Variants in MGAM2 observed in about 807,000 individuals in gnomAD.
The protein encoded by MGAM2 is maltase-glucoamylase 2 (putative).
MGAM2 carries 98 observed loss-of-function variants against 96.1 expected under a neutral mutation model. That is an observed-to-expected ratio of 1.02 (90% CI 0.87 to 1.21). MGAM2 has a LOEUF of 1.21. Ranked by LOEUF, MGAM2 falls within the 50% of genes most tolerant of loss-of-function variation. MGAM2 has a pLI of 0.00. For missense variants in MGAM2, 2,055 were observed against 1,182.4 expected (o/e 1.74, Z -10.82); for synonymous variants, 749 against 414.8 (o/e 1.81, Z -9.79).
chr7:142,172,141 T>C lies in MGAM2; in HGVS notation c.3395T>C (p.Leu1132Pro), dbSNP rs1320845423. 1 of 733,914 alleles carries C rather than the reference T, an allele frequency of 1.4e-6. No homozygotes were observed. The highest frequency in any genetic ancestry group is 1.5e-5 in the South Asian group (1 of 68,904). 45.5% of individuals were successfully genotyped at this position (733,914 alleles called of 1,614,324 possible). ...GGTGTCCACCCTTACTACATGGCAC[T>C]GGAGGAGGATGGTAGTGCCCATGGA... ...SYGVHPYYMA[L>P]EEDGSAHGVL... The change falls in exon 29 of 48, where the codon CTG becomes CCG. Residue 1132 changes from leucine (L) to proline (P), a missense_variant. Leu to Pro is a moderately conservative substitution (Grantham distance 98). Coordinates refer to ENST00000477922, the MANE Select transcript of MGAM2 (RefSeq NM_001293626.2).
chr7:142,187,110 T>G (rs1796724241), intron 35 of MGAM2, among the ~76,000 whole-genome samples: 1 of 152,258 alleles, frequency 6.6e-6, no homozygotes, highest in Admixed American at 6.5e-5. Context: ...GAGTGCACAG[T>G]GAACATTCCC....
At chr7:142,115,274 G>T (rs188933526) in intron 1 of MGAM2, among the ~76,000 whole-genome samples, 1 of 152,340 alleles carries the variant, frequency 6.6e-6, no homozygotes, top group Admixed American at 6.5e-5. Context: ...AAGACCATCA[G>T]TCGGCTTGCA....
intron 21 of MGAM2, among the ~76,000 whole-genome samples, 169 bp from the exon 22 acceptor site, chr7:142,160,956 C>A (rs1795870402): frequency 6.6e-6 from 1 of 152,118 alleles, no homozygotes; most frequent in Non-Finnish European, 1.5e-5. Flanking sequence ...TCACTATCAA[C>A]CCCTGCTGCC....
At chr7:142,179,606 A>G (rs1796478406) in intron 32 of MGAM2, among the ~76,000 whole-genome samples, 1 of 152,220 alleles carries the variant, frequency 6.6e-6, no homozygotes, top group Admixed American at 6.5e-5. Flanking sequence ...ACATCTATTG[A>G]AATTATCATA....
chr7:142,123,599 T>C (rs1012048438), intron 3 of MGAM2, among the ~76,000 whole-genome samples: 1 of 152,176 alleles, frequency 6.6e-6, no homozygotes, highest in Non-Finnish European at 1.5e-5. Context: ...GGAATGTCTT[T>C]TTAACTTTTT....
intron 14 of MGAM2, 68 bp from the exon 15 acceptor site, chr7:142,147,388 A>T (rs986887388): frequency 1.5e-6 from 1 of 649,042 alleles, no homozygotes; most frequent in Non-Finnish European, 2.8e-6. Flanking sequence ...GGAAGAAAAT[A>T]GTTGGGCCGC....
chr7:142,132,607 A>G (rs1794926962), intron 6 of MGAM2, among the ~76,000 whole-genome samples: 1 of 129,462 alleles, frequency 7.7e-6, no homozygotes, highest in African/African-American at 3.0e-5. Flanking sequence ...TATATATTTA[A>G]TACATAATTT....
intron 24 of MGAM2, among the ~76,000 whole-genome samples, chr7:142,165,567 A>G (rs1279513284): frequency 6.6e-6 from 1 of 152,214 alleles, no homozygotes; most frequent in African/African-American, 2.4e-5. Context: ...CAAGACCTAT[A>G]GCATAGAATA....
rs72584761 is a variant in MGAM2 at position 142,197,961 on chromosome 7, A to AT, written c.4867-178_4867-177insT. 4.6e-5 allele frequency among the ~76,000 whole-genome samples: 7 copies of AT among 152,112 alleles called. No homozygotes were observed. The East Asian group carries it at 1.2e-3, about 25-fold the overall frequency. On this transcript the variant is annotated intron_variant, in intron 42 of 47. Coordinates refer to ENST00000477922, the MANE Select transcript of MGAM2 (RefSeq NM_001293626.2). ...ATTTTGTCATTTACTTTTTAAAAATAGTTTTTTCTGTAGTTCTGAGGAATA... is the reference window on the plus strand; with the variant it reads ...ATTTTGTCATTTACTTTTTAAAAATATGTTTTTTCTGTAGTTCTGAGGAATA...
At chr7:142,123,070 C>T (rs974983653) in intron 3 of MGAM2, among the ~76,000 whole-genome samples, 2 of 152,164 alleles carry the variant, frequency 1.3e-5, no homozygotes, top group Admixed American at 6.5e-5. Flanking sequence ...AATCCACCCC[C>T]TTCAGCCTCC....
chr7:142,140,632 A>G (rs1168420827), intron 10 of MGAM2, among the ~76,000 whole-genome samples, 170 bp from the exon 11 acceptor site: 2 of 152,206 alleles, frequency 1.3e-5, no homozygotes, highest in Admixed American at 6.5e-5. Flanking sequence ...AACAGCAATC[A>G]TGTCTTTCAA....
intron 37 of MGAM2, among the ~76,000 whole-genome samples, chr7:142,190,228 A>G (rs1796827235): frequency 6.6e-6 from 1 of 151,424 alleles, no homozygotes; most frequent in Non-Finnish European, 1.5e-5. Flanking sequence ...TATTTTGAAG[A>G]AATATCAAGC....
intron 12 of MGAM2, among the ~76,000 whole-genome samples, chr7:142,141,557 T>C (rs967101004): frequency 6.6e-6 from 1 of 152,182 alleles, no homozygotes; most frequent in African/African-American, 2.4e-5. Flanking sequence ...CTGAGTGTAA[T>C]GGCATGATCT....
intron 37 of MGAM2, 124 bp downstream of exon 37, chr7:142,189,629 G>A (rs546408032): frequency 3.3e-5 from 16 of 479,210 alleles, no homozygotes; most frequent in Non-Finnish European, 5.2e-5. Context: ...AAAATTTCAG[G>A]CACGGTTGCC....
chr7:142,120,177 A>G, intron 2 of MGAM2, 125 bp from the exon 3 acceptor site: 1 of 604,780 alleles, frequency 1.7e-6, no homozygotes, highest in Non-Finnish European at 3.0e-6. Context: ...ATGCAAATGT[A>G]GATACCAGCT....
chr7:142,116,877 G>C lies in MGAM2; in HGVS notation c.4G>C (p.Ala2Pro). Reference protein sequence around the residue: MARKLSVLEVLL... With the variant: MPRKLSVLEVLL... ...CCAATTATCTGTGTCTATCTAGATG[G>C]CGAGGAAGCTCAGTGTATTGGAAGT... Residue 2 changes from alanine (A) to proline (P), a missense_variant, in exon 2 of 48, where the codon GCG becomes CCG. Ala to Pro is a conservative substitution (Grantham distance 27). Coordinates refer to ENST00000477922, the MANE Select transcript of MGAM2 (RefSeq NM_001293626.2). 1.4e-6 allele frequency: 1 copy of C among 703,544 alleles called. No homozygotes were observed. Among genetic ancestry groups the C allele is most frequent in the South Asian group, 1.5e-5 (1 of 67,592 alleles). The allele number at this position is 703,544 out of a possible 1,614,324, so 43.6% of individuals were successfully genotyped here.
chr7:142,150,900 C>G (rs1239888155), intron 15 of MGAM2, among the ~76,000 whole-genome samples: 4 of 152,154 alleles, frequency 2.6e-5, no homozygotes, highest in Middle Eastern at 3.2e-3. Flanking sequence ...CTTTCATGTG[C>G]TATTTGCCGT....
At chr7:142,173,550 A>G (rs1265814733) in intron 31 of MGAM2, among the ~76,000 whole-genome samples, 196 bp downstream of exon 31, 1 of 152,212 alleles carries the variant, frequency 6.6e-6, no homozygotes, top group African/African-American at 2.4e-5. Flanking sequence ...AGATGAAAAA[A>G]TCCACAAATC....
At chr7:142,209,599 A>G (rs754152895) in intron 46 of MGAM2, among the ~76,000 whole-genome samples, 1 of 152,156 alleles carries the variant, frequency 6.6e-6, no homozygotes, top group Non-Finnish European at 1.5e-5. Flanking sequence ...TTTTTTTTCT[A>G]TAACAGTGAT....
Sources: allele counts gnomAD v4.1 joint callset (sites outside exome capture counted in the v4.1 genomes callset), GRCh38; gene constraint gnomAD v4.1.1; transcripts MANE v1.5; gene names NCBI Gene and HGNC (gene_info 2026-07-23, HGNC 2026-07-21).